Variants in NOX5 observed in about 807,000 individuals in gnomAD.
The protein encoded by NOX5 is NADPH oxidase, EF-hand calcium binding domain 5.
A neutral mutation model predicts 85.7 loss-of-function variants in NOX5; 76 were observed. The ratio of observed to expected loss-of-function variants is 0.89; its 90% CI spans 0.74 to 1.07. The LOEUF is 1.07. NOX5 is among the 50% of genes least tolerant of loss of function. NOX5 has a pLI of 0.00. For missense variants in NOX5, 973 were observed against 999.5 expected, an observed-to-expected ratio of 0.97 and a Z score of 0.36; for synonymous variants, 405 against 401.4, an observed-to-expected ratio of 1.01 and a Z score of -0.11.
At position 69,015,222 on chromosome 15, in the gene NOX5, G is replaced by A. The variant is rs183117394; in HGVS notation, c.50+437G>A. On this transcript the variant is annotated intron_variant, in intron 1 of 15. Coordinates refer to ENST00000388866, the MANE Select transcript of NOX5 (RefSeq NM_024505.4). ...TTGTTCCCCTTGAGCTCTGAAATCT[G>A]AAGATTCCCGCTCCTTCCTGCTACC... Among the ~76,000 whole-genome samples, 4 of 152,228 alleles carry A rather than the reference G, an allele frequency of 2.6e-5. No individual in the cohort carries two copies. The East Asian group carries it at 7.7e-4, about 29-fold the overall frequency.
At position 69,031,757 on chromosome 15, in the gene NOX5, G is replaced by A. The variant is rs1445954632; in HGVS notation, c.565G>A (p.Glu189Lys). 1.9e-6 allele frequency: 3 copies of A among 1,609,390 alleles called. No individual in the cohort carries two copies. Among genetic ancestry groups the A allele is most frequent in the African/African-American group, 2.7e-5 (2 of 74,886 alleles). Residue 189 changes from glutamate (E) to lysine (K), a missense_variant, in exon 4 of 16, where the codon GAG (glutamate) becomes AAG (lysine). Transcript: ENST00000388866. Reference sequence around the variant, plus strand: ...CGGCAACGGGGCCATCACCTTCGAGGAGCTCCGGGACGAGCTGCAGCGCTT... The same window carrying A: ...CGGCAACGGGGCCATCACCTTCGAGAAGCTCCGGGACGAGCTGCAGCGCTT... Reference protein sequence around the residue: ...ADGNGAITFEELRDELQRFPG... With the variant: ...ADGNGAITFEKLRDELQRFPG...
chr15:69,045,519 C>T (rs1401983376), intron 10 of NOX5, among the ~76,000 whole-genome samples: 4 of 111,618 alleles, frequency 3.6e-5, no homozygotes, highest in Non-Finnish European at 8.1e-5. Flanking sequence ...TTCTTTCTTT[C>T]TTTCTCTTCC....
At chr15:69,052,397 T>C (rs1206802269) in intron 14 of NOX5, among the ~76,000 whole-genome samples, 1 of 152,222 alleles carries the variant, frequency 6.6e-6, no homozygotes, top group Non-Finnish European at 1.5e-5. Context: ...GACATCTTTG[T>C]GGAATACTGA....
chr15:69,030,193 A>G (rs1262614078), intron 3 of NOX5: 1 of 152,172 alleles, frequency 6.6e-6, no homozygotes, highest in Non-Finnish European at 1.5e-5. Flanking sequence ...ACTTCTCTGT[A>G]CCTCAATTTA....
In NOX5 at chr15:69,056,615, C is replaced by T. The variant is rs1425554952; in HGVS notation, c.2217C>T (p.Phe739=). 2 of 1,613,852 alleles carry T rather than the reference C, an allele frequency of 1.2e-6. No individual in the cohort carries two copies. Among genetic ancestry groups the T allele is most frequent in the African/African-American group, 1.3e-5 (1 of 75,046 alleles). ...AEKKGKVQVF[F]CGSPALAKVL... is the part of the protein sequence containing the mutation. Reference sequence around the variant, plus strand: ...AGAAGGGCAAGGTGCAGGTCTTCTTCTGTGGCTCCCCAGCTCTGGCCAAGG... The same window carrying T: ...AGAAGGGCAAGGTGCAGGTCTTCTTTTGTGGCTCCCCAGCTCTGGCCAAGG... Residue 739 remains phenylalanine, a synonymous_variant, in exon 16 of 16, where the codon TTC becomes TTT. Transcript: ENST00000388866.
intron 14 of NOX5, 132 bp downstream of exon 14, chr15:69,049,190 G>GT: frequency 7.4e-6 from 3 of 406,688 alleles, no homozygotes; most frequent in South Asian, 4.3e-5. Flanking sequence ...TGAACCCAGA[G>GT]TCTTTTTTTT....
intron 10 of NOX5, among the ~76,000 whole-genome samples, chr15:69,044,753 C>T (rs886925504): frequency 2.0e-5 from 3 of 152,198 alleles, no homozygotes; most frequent in African/African-American, 7.2e-5. Context: ...GTTATGTGCT[C>T]TGATACTTTT....
At chr15:69,041,542 C>T (rs2050594554) in intron 9 of NOX5, among the ~76,000 whole-genome samples, 2 of 152,176 alleles carry the variant, frequency 1.3e-5, no homozygotes, top group African/African-American at 4.8e-5. Context: ...CCATGGATGC[C>T]TTTCTGTATG....
intron 1 of NOX5, among the ~76,000 whole-genome samples, chr15:69,015,743 G>C (rs1446346011): frequency 6.6e-6 from 1 of 152,190 alleles, no homozygotes; most frequent in Non-Finnish European, 1.5e-5. Context: ...GTGGAGGGCT[G>C]CCTTGAAACC....
rs2050821423 is a variant in NOX5, at chr15:69,057,011, A to G, written c.*315A>G. The G allele has an allele frequency of 4.5e-6, 1 of 223,956 alleles. No homozygotes were observed. The highest frequency in any genetic ancestry group is 5.1e-5 in the Admixed American group (1 of 19,776). 13.9% of individuals were successfully genotyped at this position (223,956 alleles called of 1,614,324 possible). A position where few individuals can be genotyped will look rare whatever the true frequency, so the allele number is the denominator to read the frequency against. ...GGGGGCAGAGGGCAACCACTCCTCC[A>G]AACATTTTCCGACGGAGCCTTCCCC... On this transcript the variant is annotated 3_prime_UTR_variant, in exon 16 of 16. Coordinates refer to ENST00000388866, the MANE Select transcript of NOX5 (RefSeq NM_024505.4).
In NOX5 at chr15:69,055,510, A is replaced by G. The variant is rs757833446; in HGVS notation, c.2166+10A>G. On this transcript the variant is annotated intron_variant, in intron 15 of 15. Coordinates refer to ENST00000388866, the MANE Select transcript of NOX5 (RefSeq NM_024505.4). The stretch of plus-strand genomic sequence containing the variant: ...GCCTGACTGGAGCAAGGTAATGCCA[A>G]CTGGAGCCCTGCAGCTTGCAGGTAT... 20 of 1,612,328 alleles carry G rather than the reference A, an allele frequency of 1.2e-5. No individual in the cohort carries two copies. The East Asian group carries it at 2.2e-4, about 18-fold the overall frequency.
intron 6 of NOX5, 115 bp downstream of exon 6, chr15:69,035,622 C>G (rs1202404517): frequency 6.4e-7 from 1 of 1,551,752 alleles, no homozygotes; most frequent in African/African-American, 1.4e-5. Flanking sequence ...AAGGGGTGCC[C>G]TGGATAAGCC....
chr15:69,056,325 T>C (rs903884536), intron 15 of NOX5, among the ~76,000 whole-genome samples: 3 of 152,184 alleles, frequency 2.0e-5, no homozygotes, highest in Admixed American at 6.5e-5. Context: ...TTTCTGGCCC[T>C]GGTCCTCTAC....
At chr15:69,015,425 G>A (rs59355559) in intron 1 of NOX5, among the ~76,000 whole-genome samples, 7,787 of 152,172 alleles carry the variant, frequency 0.051, 255 homozygotes, top group East Asian at 0.18. Context: ...CCTTCCCTGC[G>A]TTAGCACTTG....
Position 69,035,511 on chromosome 15 carries a change from A to G in NOX5, c.1009+4A>G, listed in dbSNP as rs767524454. The stretch of plus-strand genomic sequence containing the variant: ...GTGGCTCACACTGTGAACTTTGGTG[A>G]GTGATCTGGGGCAGGGTTGGGTCGG... On this transcript the variant is annotated splice_donor_region_variant and intron_variant, in intron 6 of 15. Coordinates refer to ENST00000388866, the MANE Select transcript of NOX5 (RefSeq NM_024505.4). 3.1e-6 allele frequency: 5 copies of G among 1,613,828 alleles called. No individual in the cohort carries two copies. The South Asian group carries it at 4.4e-5, about 14-fold the overall frequency.
chr15:69,046,879 A>G lies in NOX5; in HGVS notation c.1692+13A>G. 6.2e-7 allele frequency: 1 copy of G among 1,613,542 alleles called. No homozygotes were observed. Among genetic ancestry groups the G allele is most frequent in the Non-Finnish European group, 8.5e-7 (1 of 1,179,540 alleles). ...CTGTAACATCAAGGTGAGAGGCTGC[A>G]GGGGTGGACGTGAGCAATAATGCCT... On this transcript the variant is annotated intron_variant, in intron 11 of 15. Transcript: ENST00000388866.
Position 69,035,503 on chromosome 15 carries a change from C to T in NOX5, c.1005C>T (p.Asn335=), listed in dbSNP as rs759752593. Reference sequence around the variant, plus strand: ...TGCACACCGTGGCTCACACTGTGAACTTTGGTGAGTGATCTGGGGCAGGGT... The same window carrying T: ...TGCACACCGTGGCTCACACTGTGAATTTTGGTGAGTGATCTGGGGCAGGGT... ...SLVHTVAHTV[N]FVLQAQAEAS... is the part of the protein sequence containing the mutation. Residue 335 remains asparagine (N), a synonymous_variant, in exon 6 of 16, where the codon AAC becomes AAT. Coordinates refer to ENST00000388866, the MANE Select transcript of NOX5 (RefSeq NM_024505.4). The T allele has an allele frequency of 1.2e-6, 2 of 1,614,034 alleles. No individual in the cohort carries two copies. The highest frequency in any genetic ancestry group is 3.3e-5 in the Admixed American group (2 of 60,006).
chr15:69,053,124 G>C (rs1359634421), intron 14 of NOX5, among the ~76,000 whole-genome samples: 1 of 152,210 alleles, frequency 6.6e-6, no homozygotes, highest in East Asian at 1.9e-4. Flanking sequence ...GTCAAGGTTT[G>C]CATTAAATAA....
chr15:69,045,775 G>A (rs1332807996), intron 10 of NOX5, among the ~76,000 whole-genome samples: 2 of 151,922 alleles, frequency 1.3e-5, no homozygotes, highest in Non-Finnish European at 2.9e-5. Context: ...AGATGCATTA[G>A]CCAGAATGGA....
Sources: allele counts gnomAD v4.1 joint callset (sites outside exome capture counted in the v4.1 genomes callset), GRCh38; gene constraint gnomAD v4.1.1; transcripts MANE v1.5; gene names NCBI Gene and HGNC (gene_info 2026-07-23, HGNC 2026-07-21).